SGCZ: variants seen among roughly 807,000 people sequenced by gnomAD.
The protein encoded by SGCZ is sarcoglycan zeta, also known as zeta-sarcoglycan.
SGCZ carries 40 observed loss-of-function variants against 41.3 expected under a neutral mutation model. The observed-to-expected ratio is 0.97, with a 90% confidence interval of 0.75 to 1.26. The LOEUF (loss-of-function observed/expected upper bound fraction) is 1.26, where lower values mean the gene tolerates loss of function less well. Ranked by LOEUF, SGCZ falls within the 50% of genes most tolerant of loss-of-function variation. SGCZ has a pLI of 0.00. For missense variants in SGCZ, 552 were observed against 369.8 expected, an observed-to-expected ratio of 1.49 and a Z score of -4.04; for synonymous variants, 206 against 137.5, an observed-to-expected ratio of 1.50 and a Z score of -3.49.
intron 1 of SGCZ, among the ~76,000 whole-genome samples, chr8:14,627,581 A>C (rs1806503879): frequency 6.6e-6 from 1 of 152,146 alleles, no homozygotes; most frequent in South Asian, 2.1e-4. Context: ...GTAATAATTC[A>C]AGAAATAATT....
chr8:14,575,768 T>C (rs912909422), intron 1 of SGCZ, among the ~76,000 whole-genome samples: 1 of 151,976 alleles, frequency 6.6e-6, no homozygotes, highest in Non-Finnish European at 1.5e-5. Flanking sequence ...TGGCCTGGCA[T>C]GGCGGAACAT....
intron 1 of SGCZ, among the ~76,000 whole-genome samples, chr8:14,902,604 T>A (rs984992189): frequency 1.3e-5 from 2 of 152,154 alleles, no homozygotes; most frequent in Non-Finnish European, 2.9e-5. Flanking sequence ...ATAACATGAA[T>A]ATGGGATTTG....
chr8:14,466,754 C>T (rs1801061922), intron 2 of SGCZ, among the ~76,000 whole-genome samples: 1 of 151,778 alleles, frequency 6.6e-6, no homozygotes, highest in African/African-American at 2.4e-5. Flanking sequence ...CCTCTAATAA[C>T]TTTTTGTTCC....
chr8:15,038,336 G>C (rs958758525), intron 1 of SGCZ, among the ~76,000 whole-genome samples: 1 of 151,960 alleles, frequency 6.6e-6, no homozygotes, highest in Non-Finnish European at 1.5e-5. Context: ...GACAAAGTTT[G>C]CAAGAACACA....
chr8:15,041,152 AT>A (rs894171696), intron 1 of SGCZ, among the ~76,000 whole-genome samples: 10 of 149,790 alleles, frequency 6.7e-5, no homozygotes, highest in Non-Finnish European at 8.9e-5. Flanking sequence ...ATAGTCATTT[AT>A]TTTTTTTATA....
chr8:14,110,685 G>T (rs1454558635), intron 5 of SGCZ, among the ~76,000 whole-genome samples: 1 of 152,100 alleles, frequency 6.6e-6, no homozygotes, highest in African/African-American at 2.4e-5. Flanking sequence ...AAGCAACACA[G>T]ATAATCTTAA....
chr8:14,469,307 A>C (rs1801143240), intron 2 of SGCZ, among the ~76,000 whole-genome samples: 3 of 152,042 alleles, frequency 2.0e-5, no homozygotes, highest in Admixed American at 2.0e-4. Context: ...TTCCTATTTA[A>C]CTTTTACTTT....
At chr8:14,952,416 G>A (rs1800669543) in intron 1 of SGCZ, among the ~76,000 whole-genome samples, 1 of 152,112 alleles carries the variant, frequency 6.6e-6, no homozygotes, top group Non-Finnish European at 1.5e-5. Flanking sequence ...GCATGTTGCT[G>A]AGGCTTAAGT....
At chr8:15,237,488 C>A in intron 1 of SGCZ, 97 bp downstream of exon 1, 5 of 1,440,478 alleles carry the variant, frequency 3.5e-6, no homozygotes, top group Non-Finnish European at 4.8e-6. Context: ...CGCGGGACCA[C>A]CAACTACTCC....
intron 1 of SGCZ, among the ~76,000 whole-genome samples, chr8:14,886,587 G>A (rs1270327088): frequency 6.6e-6 from 1 of 152,048 alleles, no homozygotes; most frequent in Non-Finnish European, 1.5e-5. Context: ...AAGTCCTGGG[G>A]AAAAGTGTCC....
intron 4 of SGCZ, among the ~76,000 whole-genome samples, chr8:14,176,884 C>G (rs1273693345): frequency 6.6e-6 from 1 of 152,194 alleles, no homozygotes; most frequent in Non-Finnish European, 1.5e-5. Flanking sequence ...CTTGAAAGCT[C>G]TCCTGTTGCC....
intron 1 of SGCZ, among the ~76,000 whole-genome samples, chr8:14,557,993 T>A (rs1202523263): frequency 1.3e-5 from 2 of 152,106 alleles, no homozygotes; most frequent in African/African-American, 4.8e-5. Flanking sequence ...ACAATACACC[T>A]GACATCACAG....
At chr8:14,634,335 C>G (rs554080612) in intron 1 of SGCZ, among the ~76,000 whole-genome samples, 2 of 151,820 alleles carry the variant, frequency 1.3e-5, no homozygotes, top group Admixed American at 6.6e-5. Context: ...TAAAGGGATA[C>G]TGGTTTCATT....
chr8:14,759,732 C>T (rs1799801718), intron 1 of SGCZ, among the ~76,000 whole-genome samples: 1 of 152,120 alleles, frequency 6.6e-6, no homozygotes, highest in African/African-American at 2.4e-5. Flanking sequence ...CCAGTTGTGA[C>T]AGCTTTGGAA....
At chr8:14,158,436 ATGGTGCCCACCTAGAT>A (rs1803941417) in intron 5 of SGCZ, among the ~76,000 whole-genome samples, 1 of 152,126 alleles carries the variant, frequency 6.6e-6, no homozygotes, top group South Asian at 2.1e-4. Context: ...AGCTGACTAG[ATGGTGCCCACCTAGAT>A]TGAGGGTTAG....
chr8:15,153,187 G>A (rs747372348), intron 1 of SGCZ, among the ~76,000 whole-genome samples: 26 of 152,098 alleles, frequency 1.7e-4, no homozygotes, highest in Non-Finnish European at 3.4e-4. Context: ...TACACATAAC[G>A]GGTAGCTAAA....
At chr8:14,623,959 G>C (rs1044735595) in intron 1 of SGCZ, among the ~76,000 whole-genome samples, 8 of 152,154 alleles carry the variant, frequency 5.3e-5, no homozygotes, top group African/African-American at 1.9e-4. Flanking sequence ...ATTTTGTGTT[G>C]CTTTGTGACT....
chr8:15,175,767 T>G (rs1003824692), intron 1 of SGCZ, among the ~76,000 whole-genome samples: 1 of 152,048 alleles, frequency 6.6e-6, no homozygotes, highest in African/African-American at 2.4e-5. Flanking sequence ...AAGATATAGA[T>G]AGTCAATTAA....
At chr8:15,193,366 C>T (rs556331982) in intron 1 of SGCZ, among the ~76,000 whole-genome samples, 139 of 152,130 alleles carry the variant, frequency 9.1e-4, no homozygotes, top group African/African-American at 3.2e-3. Context: ...AACTGTCACA[C>T]GTTGAATTAT....
Sources: allele counts gnomAD v4.1 joint callset (sites outside exome capture counted in the v4.1 genomes callset), GRCh38; gene constraint gnomAD v4.1.1; transcripts MANE v1.5; gene names NCBI Gene and HGNC (gene_info 2026-07-23, HGNC 2026-07-21).